LEMD2: variants seen among roughly 807,000 people sequenced by gnomAD.
LEMD2 encodes LEM domain nuclear envelope protein 2.
In LEMD2, 34 loss-of-function variants were observed where a neutral mutation model predicts 58.8. That is an observed-to-expected ratio of 0.58 (90% CI 0.44 to 0.77). The LOEUF (loss-of-function observed/expected upper bound fraction) is 0.77, where lower values mean the gene tolerates loss of function less well. Ranked by LOEUF, LEMD2 falls within the 30% of genes least tolerant of loss-of-function variation. LEMD2 has a pLI of 0.00. For missense variants in LEMD2, 629 were observed against 717.9 expected, an observed-to-expected ratio of 0.88 and a Z score of 1.42; for synonymous variants, 298 against 308.9, an observed-to-expected ratio of 0.96 and a Z score of 0.37.
intron 3 of LEMD2, 83 bp downstream of exon 3, chr6:33,784,269 G>T: frequency 1.9e-6 from 2 of 1,064,284 alleles, no homozygotes; most frequent in Non-Finnish European, 2.9e-6. Context: ...CTGGCCAGCA[G>T]CAGTGTAACT....
At chr6:33,780,674 A>C (rs1306904573) in intron 4 of LEMD2, among the ~76,000 whole-genome samples, 2 of 152,212 alleles carry the variant, frequency 1.3e-5, no homozygotes, top group African/African-American at 4.8e-5. Context: ...CCATAGTTCT[A>C]TAATCTACCA....
chr6:33,786,314 T>G (rs367635390), intron 2 of LEMD2, among the ~76,000 whole-genome samples: 1 of 152,202 alleles, frequency 6.6e-6, no homozygotes, highest in East Asian at 1.9e-4. Context: ...AGAACAGCAT[T>G]TTCAGAGCCA....
At position 33,788,833 on chromosome 6, in the gene LEMD2, C is replaced by T. The variant is rs1256069496; in HGVS notation, c.284G>A (p.Gly95Asp). 2.1e-6 allele frequency: 3 copies of T among 1,420,702 alleles called. No individual in the cohort carries two copies. The highest frequency in any genetic ancestry group is 2.8e-6 in the Non-Finnish European group (3 of 1,090,604). The allele number at this position is 1,420,702 out of a possible 1,614,324, so 88.0% of individuals were successfully genotyped here. Residue 95 changes from glycine (G) to aspartate (D), a missense_variant, in exon 1 of 9, where the codon GGC (glycine) becomes GAC (aspartate). By Grantham distance (94) the Gly-to-Asp change is moderately conservative. Transcript: ENST00000293760. ...AEPWLSQPAS[G>D]SAYATPGAYG... The stretch of plus-strand genomic sequence containing the variant: ...GGCCCCAGGGGTCGCGTAGGCCGAG[C>T]CCGAGGCCGGCTGGGAGAGCCAGGG...
intron 3 of LEMD2, among the ~76,000 whole-genome samples, chr6:33,783,156 GACC>G (rs776866010): frequency 9.9e-5 from 15 of 152,162 alleles, no homozygotes; most frequent in Non-Finnish European, 1.6e-4. Flanking sequence ...TGGGTCCTTG[GACC>G]ACATTTGAGA....
In LEMD2 at chr6:33,788,691, G is replaced by T; in HGVS notation, c.426C>A (p.Asp142Glu). The change falls in exon 1 of 9, where the codon GAC becomes GAA. Residue 142 changes from aspartate (D) to glutamate (E), a missense_variant. Physicochemically the swap from Asp to Glu is conservative, Grantham distance 45. Transcript: ENST00000293760. ...CCCTGTCGGGCGTCCGGGCGTCCTC[G>T]TCCTCCTCGGAGCTGCCCCGGACCG... is the stretch of plus-strand genomic sequence containing the variant. ...RASVRGSSEE[D>E]EDARTPDRAT... 7.4e-7 allele frequency: 1 copy of T among 1,359,004 alleles called. No individual in the cohort carries two copies. The highest frequency in any genetic ancestry group is 9.5e-7 in the Non-Finnish European group (1 of 1,054,120). 84.2% of individuals were successfully genotyped at this position (1,359,004 alleles called of 1,614,324 possible).
intron 6 of LEMD2, among the ~76,000 whole-genome samples, chr6:33,777,845 C>A (rs1440846941): frequency 6.6e-6 from 1 of 152,154 alleles, no homozygotes; most frequent in Admixed American, 6.5e-5. Flanking sequence ...TGTAGCTCTC[C>A]AGGAGATGTT....
intron 4 of LEMD2, chr6:33,780,418 C>T (rs1490414563): frequency 1.9e-5 from 10 of 529,880 alleles, no homozygotes; most frequent in South Asian, 1.0e-4. Flanking sequence ...GGGTCTGAGG[C>T]GGCCAAAAGA....
chr6:33,775,426 T>G lies in LEMD2; in HGVS notation c.1361+1528A>C, dbSNP rs574212714. On this transcript the variant is annotated intron_variant, in intron 8 of 8. Transcript: ENST00000293760. ...TCGACCTCCTGGGCTCGAGTGATCC[T>G]CCTGCCTCAGCCTCCTGAGTAGCTG... 5.3e-5 allele frequency among the ~76,000 whole-genome samples: 8 copies of G among 152,298 alleles called. No homozygotes were observed. In the South Asian group the frequency reaches 1.7e-3, roughly 32 times the overall value.
rs570049008 is a variant in LEMD2, at chr6:33,788,760, G to A, written c.357C>T (p.Gly119=). 554 of 1,448,534 alleles carry A rather than the reference G, an allele frequency of 3.8e-4. No homozygotes were observed. Among genetic ancestry groups the A allele is most frequent in the African/African-American group, 8.4e-4 (57 of 68,216 alleles). 89.7% of individuals were successfully genotyped at this position (1,448,534 alleles called of 1,614,324 possible). Residue 119 remains glycine (G), a synonymous_variant, in exon 1 of 9, where the codon GGC becomes GGT. Transcript: ENST00000293760. ...PSAASWVGSR[G]LAYPARPAQL... ...GCGCCGGGCGGGCAGGATAGGCGAGGCCGCGGCTCCCTACCCAGGAAGCCG... is the reference window on the plus strand; with the variant it reads ...GCGCCGGGCGGGCAGGATAGGCGAGACCGCGGCTCCCTACCCAGGAAGCCG...
At position 33,772,736 on chromosome 6, in the gene LEMD2, C is replaced by T; in HGVS notation, c.1404G>A (p.Leu468=). 1 of 1,613,976 alleles carries T rather than the reference C, an allele frequency of 6.2e-7. No homozygotes were observed. ...TCTGGATCCGGGATTCGTTGGAGGC[C>T]AGGAACTCCACAGCTCGGTCCCAGA... is the stretch of plus-strand genomic sequence containing the variant. ...KRVWDRAVEF[L]ASNESRIQTE... Residue 468 remains leucine (L), a synonymous_variant, in exon 9 of 9, where the codon CTG becomes CTA. Transcript: ENST00000293760.
At chr6:33,779,793 A>G (rs1383815099) in intron 5 of LEMD2, 1 of 288,580 alleles carries the variant, frequency 3.5e-6, no homozygotes, top group African/African-American at 2.2e-5. Context: ...CCAACAAACC[A>G]TGTGGTGTTG....
Position 33,788,990 on chromosome 6 carries a change from G to T in LEMD2, c.127C>A (p.Arg43=). The T allele has an allele frequency of 6.5e-7, 1 of 1,547,272 alleles. No homozygotes were observed. The change falls in exon 1 of 9, where the codon CGG becomes AGG. Residue 43 remains arginine (R), a synonymous_variant. Transcript: ENST00000293760. ...CGCAGCCGCTCCTCGTCGCGCAGCC[G>T]GGCCTCGCCCCGCAGGCGGCGCAGC... ...NKLRRLRGEA[R]LRDEERLREE... is the part of the protein sequence containing the mutation.
rs1381911744 is a variant in LEMD2, at chr6:33,777,182, T to C, written c.1214A>G (p.Glu405Gly). ...CTCATACATGGCTTGTTCCTCCTCT[T>C]CTAACTTTCGCCACCGATATTTTAG... is the stretch of plus-strand genomic sequence containing the variant. ...ILLKYRWRKL[E>G]EEEQAMYEMV... is the part of the protein sequence containing the mutation. The change falls in exon 7 of 9, where the codon GAA becomes GGA. Residue 405 changes from glutamate to glycine, a missense_variant. Coordinates refer to ENST00000293760, the MANE Select transcript of LEMD2 (RefSeq NM_181336.4). The C allele has an allele frequency of 6.2e-7, 1 of 1,614,062 alleles. No individual in the cohort carries two copies. Among genetic ancestry groups the C allele is most frequent in the Admixed American group, 1.7e-5 (1 of 60,014 alleles).
At chr6:33,772,837 G>A in intron 8 of LEMD2, 59 bp from the exon 9 acceptor site, 3 of 1,492,500 alleles carry the variant, frequency 2.0e-6, no homozygotes, top group Non-Finnish European at 2.8e-6. Flanking sequence ...GCCTGTGGAT[G>A]CCCCTCCTAC....
intron 8 of LEMD2, among the ~76,000 whole-genome samples, chr6:33,776,022 C>T (rs944057839): frequency 6.6e-6 from 1 of 152,150 alleles, no homozygotes; most frequent in African/African-American, 2.4e-5. Flanking sequence ...ACTCTGCCCT[C>T]CCCCACCCTG....
rs1235164586 is a variant in LEMD2, at chr6:33,786,725, C to G, written c.777+9G>C. On this transcript the variant is annotated intron_variant, in intron 2 of 8. Coordinates refer to ENST00000293760, the MANE Select transcript of LEMD2 (RefSeq NM_181336.4). ...AAGAATAATAAAAACCAGAGAAACT[C>G]AAACTCACCTCATCTGTTTTTCTCT... 2 of 1,610,618 alleles carry G rather than the reference C, an allele frequency of 1.2e-6. No individual in the cohort carries two copies. Among genetic ancestry groups the G allele is most frequent in the Admixed American group, 3.3e-5 (2 of 59,902 alleles).
At chr6:33,773,218 G>A (rs1337109004) in intron 8 of LEMD2, among the ~76,000 whole-genome samples, 3 of 152,180 alleles carry the variant, frequency 2.0e-5, no homozygotes, top group Admixed American at 6.5e-5. Context: ...TCCAGGGGAT[G>A]GGATGAGCTA....
At chr6:33,783,356 C>A (rs1278072836) in intron 3 of LEMD2, among the ~76,000 whole-genome samples, 5 of 152,190 alleles carry the variant, frequency 3.3e-5, no homozygotes, top group Admixed American at 3.3e-4. Flanking sequence ...AGCTGATGCT[C>A]ATGAGATTGA....
At chr6:33,774,650 G>A (rs192877381) in intron 8 of LEMD2, among the ~76,000 whole-genome samples, 3 of 152,080 alleles carry the variant, frequency 2.0e-5, no homozygotes, top group East Asian at 3.9e-4. Flanking sequence ...GGCTGGTCTC[G>A]AACTCCTGAC....
Sources: gnomAD v4.1 joint callset for allele counts (sites outside exome capture counted in the v4.1 genomes callset) on GRCh38, gnomAD v4.1.1 for gene constraint, MANE v1.5 for transcripts, NCBI Gene and HGNC (gene_info 2026-07-23, HGNC 2026-07-21) for gene names.